Variants in SPMIP2 observed in about 807,000 individuals in gnomAD.
SPMIP2 encodes the protein protein SPMIP2.
At chr4:158,946,993 A>G in the SPMIP2 span, among the ~76,000 whole-genome samples, 1 of 152,176 alleles carries the variant, frequency 6.6e-6, no homozygotes, top group Non-Finnish European at 1.5e-5. Context: ...TACTGTCCTG[A>G]CTACGGCAGC....
chr4:158,908,683 G>A, the SPMIP2 span, among the ~76,000 whole-genome samples: 3 of 152,068 alleles, frequency 2.0e-5, no homozygotes, highest in South Asian at 6.2e-4. Flanking sequence ...GTATATAGAT[G>A]CCTACTTCAT....
chr4:159,045,354 G>GAGATAATGAAGTCAT, the SPMIP2 span, among the ~76,000 whole-genome samples: 1 of 152,190 alleles, frequency 6.6e-6, no homozygotes, highest in South Asian at 2.1e-4. Flanking sequence ...AGGTATTTTT[G>GAGATAATGAAGTCAT]AGATACATTA....
At chr4:158,961,046 T>C in the SPMIP2 span, among the ~76,000 whole-genome samples, 1 of 152,124 alleles carries the variant, frequency 6.6e-6, no homozygotes, top group African/African-American at 2.4e-5. Flanking sequence ...AAAAGCGTAT[T>C]GGTCTATAAC....
At chr4:158,939,460 TTTC>T in the SPMIP2 span, among the ~76,000 whole-genome samples, 6,932 of 152,286 alleles carry the variant, frequency 0.046, 394 homozygotes, top group African/African-American at 0.14. Flanking sequence ...ATGAAAATTC[TTTC>T]TTAACATACA....
At chr4:158,903,942 C>T in the SPMIP2 span, among the ~76,000 whole-genome samples, 1 of 152,176 alleles carries the variant, frequency 6.6e-6, no homozygotes, top group Non-Finnish European at 1.5e-5. Context: ...TTTAGTGTCA[C>T]TTTGCTCTCA....
chr4:158,986,323 CCAAGT>C, the SPMIP2 span, among the ~76,000 whole-genome samples: 1 of 152,030 alleles, frequency 6.6e-6, no homozygotes, highest in Admixed American at 6.6e-5. Context: ...GCCCGCATTG[CCAAGT>C]CAATCCTAAG....
chr4:158,983,979 G>T, the SPMIP2 span, among the ~76,000 whole-genome samples: 3 of 103,442 alleles, frequency 2.9e-5, no homozygotes, highest in African/African-American at 7.4e-5. Flanking sequence ...AACAAAAAAA[G>T]GCAGGGGTTG....
At chr4:158,919,396 C>A in the SPMIP2 span, among the ~76,000 whole-genome samples, 1 of 152,160 alleles carries the variant, frequency 6.6e-6, no homozygotes. Flanking sequence ...TTTCACATAG[C>A]CTTGATACTT....
chr4:159,035,248 G>A, the SPMIP2 span: 2 of 617,722 alleles, frequency 3.2e-6, no homozygotes, highest in Non-Finnish European at 5.8e-6. Context: ...ATGACAGGGA[G>A]ATAGAATGTT....
At chr4:158,989,856 G>T in the SPMIP2 span, among the ~76,000 whole-genome samples, 1 of 152,050 alleles carries the variant, frequency 6.6e-6, no homozygotes, top group African/African-American at 2.4e-5. Flanking sequence ...AAAAAGCAAC[G>T]GCAACAAAAG....
chr4:158,990,362 C>T, the SPMIP2 span, among the ~76,000 whole-genome samples: 1 of 152,198 alleles, frequency 6.6e-6, no homozygotes, highest in Non-Finnish European at 1.5e-5. Flanking sequence ...TTTGACTCAG[C>T]AATCCCATCA....
the SPMIP2 span, among the ~76,000 whole-genome samples, chr4:158,916,469 T>C: frequency 3.3e-5 from 5 of 152,160 alleles, no homozygotes; most frequent in Non-Finnish European, 7.4e-5. Context: ...AGAATCCCTG[T>C]GGTGGGAGGG....
chr4:158,907,693 T>A, the SPMIP2 span: 2 of 152,248 alleles, frequency 1.3e-5, no homozygotes, highest in Non-Finnish European at 2.9e-5. Flanking sequence ...CTTCTCTTGG[T>A]AAATGTGAAC....
the SPMIP2 span, among the ~76,000 whole-genome samples, chr4:158,921,789 G>GGTGACAGT: frequency 1.3e-5 from 2 of 152,186 alleles, no homozygotes; most frequent in South Asian, 4.2e-4. Context: ...TTGCTATAGG[G>GGTGACAGT]GTGACAGTGT....
At chr4:158,997,082 C>T in the SPMIP2 span, among the ~76,000 whole-genome samples, 148,314 of 152,324 alleles carry the variant, frequency 0.97, 72,308 homozygotes, top group East Asian at 1. Context: ...AAACACACAG[C>T]TACAATGCAA....
chr4:159,035,068 G>A, the SPMIP2 span: 1 of 1,613,354 alleles, frequency 6.2e-7, no homozygotes, highest in Non-Finnish European at 8.5e-7. Context: ...AGTAGTAGAT[G>A]TTGGCTTTTG....
At chr4:158,912,992 C>A in the SPMIP2 span, among the ~76,000 whole-genome samples, 1 of 152,130 alleles carries the variant, frequency 6.6e-6, no homozygotes, top group South Asian at 2.1e-4. Flanking sequence ...AAACACGTAA[C>A]CTGAACCCAC....
the SPMIP2 span, among the ~76,000 whole-genome samples, chr4:159,040,615 A>G: frequency 6.6e-6 from 1 of 151,904 alleles, no homozygotes; most frequent in African/African-American, 2.4e-5. Flanking sequence ...AGAGGTGTGT[A>G]CCACCACACT....
chr4:158,953,043 A>C, the SPMIP2 span, among the ~76,000 whole-genome samples: 1 of 152,208 alleles, frequency 6.6e-6, no homozygotes, highest in Non-Finnish European at 1.5e-5. Context: ...ATGTGATAGA[A>C]AAGAAAAACC....
Sources: gnomAD v4.1 joint callset for allele counts (sites outside exome capture counted in the v4.1 genomes callset) on GRCh38, gnomAD v4.1.1 for gene constraint, MANE v1.5 for transcripts, NCBI Gene and HGNC (gene_info 2026-07-23, HGNC 2026-07-21) for gene names.